The following TESK2 variants were observed in gnomAD, a reference collection of about 807,000 sequenced individuals.
TESK2 encodes the protein testis associated actin remodelling kinase 2.
TESK2 carries 39 observed loss-of-function variants against 57.1 expected under a neutral mutation model. The observed-to-expected ratio is 0.68, with a 90% CI of 0.53 to 0.89. TESK2 has a LOEUF of 0.89. Ranked by LOEUF, TESK2 falls within the 40% of genes least tolerant of loss-of-function variation. TESK2 has a pLI of 0.00. For synonymous variants in TESK2, 249 were observed against 267.9 expected, an observed-to-expected ratio of 0.93 and a Z score of 0.69; for missense variants, 646 against 732.1, an observed-to-expected ratio of 0.88 and a Z score of 1.36.
At chr1:45,420,289 G>C (rs1394122446) in intron 3 of TESK2, among the ~76,000 whole-genome samples, 1 of 152,124 alleles carries the variant, frequency 6.6e-6, no homozygotes, top group Non-Finnish European at 1.5e-5. Context: ...ACTCAGGCTG[G>C]AGTGCAGTGC....
chr1:45,365,282 C>T (rs2149268223), intron 4 of TESK2, among the ~76,000 whole-genome samples: 1 of 152,208 alleles, frequency 6.6e-6, no homozygotes, highest in Non-Finnish European at 1.5e-5. Flanking sequence ...GCCTACCGCT[C>T]CAGGAGGTTC....
chr1:45,485,197 G>T (rs563317868), intron 1 of TESK2, among the ~76,000 whole-genome samples: 6,244 of 147,858 alleles, frequency 0.042, 211 homozygotes, highest in South Asian at 0.066. Context: ...TTTGTTTTTT[G>T]TTTTTTTTTG....
At chr1:45,404,020 T>TA (rs1649738267) in intron 3 of TESK2, among the ~76,000 whole-genome samples, 1 of 152,050 alleles carries the variant, frequency 6.6e-6, no homozygotes, top group Non-Finnish European at 1.5e-5. Context: ...CAAACTCAAG[T>TA]ATTTAAGTTG....
chr1:45,373,864 G>C lies in TESK2; in HGVS notation c.393+12048C>G, dbSNP rs72892504. Among the ~76,000 whole-genome samples the C allele has an allele frequency of 7.3e-3, 1,112 of 152,296 alleles. 14 individuals carry two copies. The highest frequency in any genetic ancestry group is 0.025 in the African/African-American group (1,046 of 41,564). ...GTATATTGGGAGACCCTCCTTCCAT[G>C]GTCCTACTTGCTACAGATTCCAAAG... On this transcript the variant is annotated intron_variant, in intron 4 of 10. Transcript: ENST00000372086.
chr1:45,486,324 T>C (rs1427297237), intron 1 of TESK2, among the ~76,000 whole-genome samples: 3 of 152,110 alleles, frequency 2.0e-5, no homozygotes, highest in Non-Finnish European at 4.4e-5. Context: ...CAAAACAAAA[T>C]GAAATGTATG....
chr1:45,404,744 T>C (rs1287438462), intron 3 of TESK2, among the ~76,000 whole-genome samples: 1 of 152,042 alleles, frequency 6.6e-6, no homozygotes, highest in African/African-American at 2.4e-5. Context: ...GGTTTCACTA[T>C]GTTGGCCAGG....
intron 1 of TESK2, among the ~76,000 whole-genome samples, chr1:45,459,833 A>C (rs1652259847): frequency 6.6e-6 from 1 of 152,198 alleles, no homozygotes; most frequent in Non-Finnish European, 1.5e-5. Flanking sequence ...ACAGGGCAAG[A>C]CCTTGTCTCA....
chr1:45,361,555 T>G (rs1335698617), intron 4 of TESK2, among the ~76,000 whole-genome samples: 1 of 151,926 alleles, frequency 6.6e-6, no homozygotes, highest in African/African-American at 2.4e-5. Context: ...AATAACAGAG[T>G]TTCTTCCATT....
intron 4 of TESK2, among the ~76,000 whole-genome samples, chr1:45,368,694 G>T (rs1209866618): frequency 6.6e-6 from 1 of 151,432 alleles, no homozygotes; most frequent in African/African-American, 2.4e-5. Context: ...TTTGTTTTTT[G>T]AGACGGAGTT....
Position 45,383,747 on chromosome 1 carries a change from G to A in TESK2, c.393+2165C>T, listed in dbSNP as rs560372296. Among the ~76,000 whole-genome samples, 19 of 152,204 alleles carry A rather than the reference G, an allele frequency of 1.2e-4. No individual in the cohort carries two copies. In the South Asian group the frequency reaches 1.5e-3, roughly 12 times the overall value. ...ATCAAATACTTTTATGCTTGTTAGC[G>A]TCAGAACTCTGGTAGACAGAAGGAA... On this transcript the variant is annotated intron_variant, in intron 4 of 10. Coordinates refer to ENST00000372086, the MANE Select transcript of TESK2 (RefSeq NM_007170.3).
At chr1:45,425,715 A>G (rs995392071) in intron 2 of TESK2, among the ~76,000 whole-genome samples, 1 of 152,174 alleles carries the variant, frequency 6.6e-6, no homozygotes, top group African/African-American at 2.4e-5. Context: ...GAAACTAAAG[A>G]TACAAAAAAA....
At chr1:45,351,039 A>G (rs187901886) in intron 5 of TESK2, among the ~76,000 whole-genome samples, 1 of 152,348 alleles carries the variant, frequency 6.6e-6, no homozygotes, top group South Asian at 2.1e-4. Flanking sequence ...AGTGGCTTCT[A>G]TGCAGTCAAC....
chr1:45,409,750 A>C (rs1649970892), intron 3 of TESK2, among the ~76,000 whole-genome samples: 1 of 152,190 alleles, frequency 6.6e-6, no homozygotes, highest in Non-Finnish European at 1.5e-5. Context: ...AAGAATGGTA[A>C]GTTTTTGGCT....
rs79333766 is a variant in TESK2, at chr1:45,487,901, G to T, written c.-87+2951C>A. Among the ~76,000 whole-genome samples the T allele has an allele frequency of 2.9e-3, 433 of 151,402 alleles. 3 individuals are homozygous for T. The highest frequency in any genetic ancestry group is 0.018 in the East Asian group (93 of 5,170). The stretch of plus-strand genomic sequence containing the variant: ...TTCTAACTAGTAGGACCCTCAATGT[G>T]GTCAACAATCTTTTAGCTCCTGAGT... On this transcript the variant is annotated intron_variant, in intron 1 of 10. Coordinates refer to ENST00000372086, the MANE Select transcript of TESK2 (RefSeq NM_007170.3).
chr1:45,477,853 C>T (rs556869827), intron 1 of TESK2, among the ~76,000 whole-genome samples: 28 of 152,302 alleles, frequency 1.8e-4, no homozygotes, highest in African/African-American at 6.5e-4. Context: ...CTACACTTAA[C>T]GCACCCTTCT....
chr1:45,418,597 T>C lies in TESK2; in HGVS notation c.344+3128A>G, dbSNP rs192035145. 2.0e-5 allele frequency among the ~76,000 whole-genome samples: 3 copies of C among 152,324 alleles called. No homozygotes were observed. In the East Asian group the frequency reaches 5.8e-4, roughly 29 times the overall value. On this transcript the variant is annotated intron_variant, in intron 3 of 10. Transcript: ENST00000372086. ...CTTAGAGGAGACTTTGGCCCATACA[T>C]AATCTCTTGGCCTCAATGGAGAGTG...
At chr1:45,424,701 T>C (rs1650616857) in intron 2 of TESK2, among the ~76,000 whole-genome samples, 2 of 152,174 alleles carry the variant, frequency 1.3e-5, no homozygotes, top group South Asian at 2.1e-4. Flanking sequence ...GCAAAACCCA[T>C]GAAAAGATCA....
chr1:45,479,198 C>T (rs1043381901), intron 1 of TESK2, among the ~76,000 whole-genome samples: 2 of 151,954 alleles, frequency 1.3e-5, no homozygotes, highest in African/African-American at 4.8e-5. Context: ...ATACAAAACC[C>T]AAAGTAAATA....
At chr1:45,384,192 T>C (rs1437275324) in intron 4 of TESK2, among the ~76,000 whole-genome samples, 1 of 152,202 alleles carries the variant, frequency 6.6e-6, no homozygotes, top group South Asian at 2.1e-4. Context: ...TGAAACTCTT[T>C]CCTTTTCATT....
Sources: gnomAD v4.1 joint callset for allele counts (sites outside exome capture counted in the v4.1 genomes callset) on GRCh38, gnomAD v4.1.1 for gene constraint, MANE v1.5 for transcripts, NCBI Gene and HGNC (gene_info 2026-07-23, HGNC 2026-07-21) for gene names.